SUPT3H: variants seen among roughly 807,000 people sequenced by gnomAD.
SUPT3H encodes the protein SPT3 homolog, SAGA and STAGA complex component.
SUPT3H carries 44 observed loss-of-function variants against 44.3 expected under a neutral mutation model. That is an observed-to-expected ratio of 0.99 (90% CI 0.78 to 1.28). SUPT3H has a LOEUF of 1.28. Among genes scored for constraint, SUPT3H ranks in the 50% most tolerant of loss-of-function variants. SUPT3H has a pLI of 0.00. For synonymous variants in SUPT3H, 124 were observed against 125.6 expected (o/e 0.99, Z 0.09); for missense variants, 380 against 387.1 (o/e 0.98, Z 0.15).
chr6:45,358,806 C>T (rs1031695534), intron 2 of SUPT3H, among the ~76,000 whole-genome samples: 5 of 152,104 alleles, frequency 3.3e-5, no homozygotes, highest in East Asian at 1.9e-4. Context: ...CATGGTGAAA[C>T]GTATGAATAT....
chr6:45,299,848 T>C (rs1445608372), intron 2 of SUPT3H, among the ~76,000 whole-genome samples: 2 of 126,214 alleles, frequency 1.6e-5, no homozygotes, highest in African/African-American at 3.4e-5. Flanking sequence ...TTTTTATCTA[T>C]AGGAAAAATG....
At chr6:45,114,129 AAAGAT>A (rs1453812718) in intron 2 of SUPT3H, among the ~76,000 whole-genome samples, 3 of 152,078 alleles carry the variant, frequency 2.0e-5, no homozygotes, top group Non-Finnish European at 4.4e-5. Context: ...GTTTAAAATA[AAAGAT>A]AAAACAGTAT....
intron 3 of SUPT3H, among the ~76,000 whole-genome samples, chr6:45,103,646 CAGAAA>C (rs1236206893): frequency 1.3e-5 from 2 of 151,936 alleles, no homozygotes; most frequent in Non-Finnish European, 2.9e-5. Context: ...GAAAAAGGGG[CAGAAA>C]AAGTTTGGAG....
chr6:45,176,573 A>G (rs1445346544), intron 2 of SUPT3H, among the ~76,000 whole-genome samples: 1 of 152,158 alleles, frequency 6.6e-6, no homozygotes, highest in African/African-American at 2.4e-5. Context: ...GGAGCCCACC[A>G]CAGCTCAAGG....
chr6:45,323,371 A>T (rs1249764620), intron 2 of SUPT3H, among the ~76,000 whole-genome samples: 2 of 151,908 alleles, frequency 1.3e-5, no homozygotes, highest in Non-Finnish European at 2.9e-5. Context: ...TTAAAACCCG[A>T]TTTTTTTAGA....
chr6:44,823,741 C>T (rs1767526193), downstream of SUPT3H, among the ~76,000 whole-genome samples: 3 of 152,092 alleles, frequency 2.0e-5, no homozygotes, highest in South Asian at 2.1e-4. Context: ...GCGGGTGGAT[C>T]GCCCGAGGTC....
chr6:45,225,401 A>G (rs1766784149), intron 2 of SUPT3H, among the ~76,000 whole-genome samples: 1 of 152,172 alleles, frequency 6.6e-6, no homozygotes. Flanking sequence ...TTTAATCGAC[A>G]TTTTGTGAAC....
At chr6:45,336,088 T>A (rs1296297365) in intron 2 of SUPT3H, among the ~76,000 whole-genome samples, 1 of 151,388 alleles carries the variant, frequency 6.6e-6, no homozygotes, top group African/African-American at 2.4e-5. Flanking sequence ...TCACATATTA[T>A]AAACTCCAGT....
At chr6:44,942,533 A>T (rs1018179381) in intron 9 of SUPT3H, among the ~76,000 whole-genome samples, 2 of 152,160 alleles carry the variant, frequency 1.3e-5, no homozygotes, top group Non-Finnish European at 2.9e-5. Flanking sequence ...GAGAAAGGAA[A>T]TCCCCAAAGG....
At chr6:45,358,659 C>T (rs531308605) in intron 2 of SUPT3H, among the ~76,000 whole-genome samples, 1 of 152,240 alleles carries the variant, frequency 6.6e-6, no homozygotes, top group South Asian at 2.1e-4. Flanking sequence ...CGTACTAACC[C>T]TGTGAGGTAG....
intron 2 of SUPT3H, among the ~76,000 whole-genome samples, chr6:45,255,248 C>A (rs1323276397): frequency 1.3e-5 from 2 of 151,904 alleles, no homozygotes; most frequent in African/African-American, 4.8e-5. Flanking sequence ...AATATATTCC[C>A]CGGATAATGG....
chr6:45,241,883 A>C (rs1209778593), intron 2 of SUPT3H, among the ~76,000 whole-genome samples: 1 of 152,264 alleles, frequency 6.6e-6, no homozygotes, highest in Non-Finnish European at 1.5e-5. Context: ...GAATAAAACA[A>C]AGCATAGGAT....
chr6:45,149,731 AAAAAATGTT>A (rs1481170214), intron 2 of SUPT3H, among the ~76,000 whole-genome samples: 16 of 152,170 alleles, frequency 1.1e-4, no homozygotes, highest in Admixed American at 4.6e-4. Flanking sequence ...AGCAAAGTCT[AAAAAATGTT>A]AACAATCTGG....
At chr6:44,885,985 C>T (rs897129924) in intron 10 of SUPT3H, among the ~76,000 whole-genome samples, 3 of 151,984 alleles carry the variant, frequency 2.0e-5, no homozygotes, top group African/African-American at 4.8e-5. Flanking sequence ...GCCTCAGGAG[C>T]CGATTAGATC....
intron 2 of SUPT3H, among the ~76,000 whole-genome samples, chr6:45,341,599 C>T (rs922118861): frequency 6.6e-5 from 10 of 151,960 alleles, no homozygotes; most frequent in African/African-American, 7.3e-5. Context: ...AGTTTGTCTC[C>T]GCAACTTCAT....
chr6:44,852,584 G>A (rs1773068524), intron 10 of SUPT3H, among the ~76,000 whole-genome samples: 1 of 152,088 alleles, frequency 6.6e-6, no homozygotes, highest in Non-Finnish European at 1.5e-5. Flanking sequence ...TCCCACAAGA[G>A]AAATAGTATT....
chr6:45,045,921 G>A (rs561609864), intron 3 of SUPT3H, among the ~76,000 whole-genome samples: 34 of 152,194 alleles, frequency 2.2e-4, no homozygotes, highest in African/African-American at 8.2e-4. Context: ...TGTTGGTGAA[G>A]TTCAATGTAT....
chr6:45,218,996 C>A (rs1765548895), intron 2 of SUPT3H, among the ~76,000 whole-genome samples: 1 of 152,228 alleles, frequency 6.6e-6, no homozygotes, highest in African/African-American at 2.4e-5. Flanking sequence ...TCTAAGCACA[C>A]TTCTAAATAA....
At chr6:45,189,653 A>G (rs964291440) in intron 2 of SUPT3H, among the ~76,000 whole-genome samples, 2 of 152,240 alleles carry the variant, frequency 1.3e-5, no homozygotes, top group Non-Finnish European at 2.9e-5. Context: ...CACTGGTCAA[A>G]GCTTAGAAAA....
Sources: allele counts gnomAD v4.1 joint callset (sites outside exome capture counted in the v4.1 genomes callset), GRCh38; gene constraint gnomAD v4.1.1; transcripts MANE v1.5; gene names NCBI Gene and HGNC (gene_info 2026-07-23, HGNC 2026-07-21).